Variants in ATP8B4 observed in about 807,000 individuals in gnomAD.
ATP8B4 encodes probable phospholipid-transporting ATPase IM.
A neutral mutation model predicts 145.6 loss-of-function variants in ATP8B4; 133 were observed. The ratio of observed to expected loss-of-function variants is 0.91; its 90% CI spans 0.79 to 1.05. The LOEUF is 1.05. ATP8B4 is among the 50% of genes least tolerant of loss of function. The pLI is 0.00. For missense variants in ATP8B4, 1,458 were observed against 1,425.2 expected (o/e 1.02, Z -0.37); for synonymous variants, 507 against 492.9 (o/e 1.03, Z -0.38).
At chr15:50,145,565 C>T (rs182575590) in intron 1 of ATP8B4, among the ~76,000 whole-genome samples, 57 of 152,292 alleles carry the variant, frequency 3.7e-4, no homozygotes, top group African/African-American at 1.3e-3. Context: ...GAAACTTATT[C>T]TTGGAGTGTT....
At chr15:49,870,010 C>A (rs1041577366) in intron 25 of ATP8B4, among the ~76,000 whole-genome samples, 1 of 152,150 alleles carries the variant, frequency 6.6e-6, no homozygotes, top group African/African-American at 2.4e-5. Flanking sequence ...CCAGAAGTCT[C>A]ATTTCTAGGA....
rs184557154 is a variant in ATP8B4, at chr15:50,075,839, A to T, written c.29-1654T>A. On this transcript the variant is annotated intron_variant, in intron 2 of 27. Transcript: ENST00000284509. ...TACTTTGAAAGGTGTGGGAACCTAA[A>T]TGCTTAAAAAGCTAGAAACTTATTT... 2.7e-3 allele frequency among the ~76,000 whole-genome samples: 412 copies of T among 152,280 alleles called. 4 individuals carry two copies. Among genetic ancestry groups the T allele is most frequent in the African/African-American group, 9.7e-3 (405 of 41,556 alleles).
At chr15:49,994,237 C>T (rs2047245454) in intron 9 of ATP8B4, among the ~76,000 whole-genome samples, 1 of 152,076 alleles carries the variant, frequency 6.6e-6, no homozygotes, top group South Asian at 2.1e-4. Flanking sequence ...ACCTGCCTTC[C>T]AGGAGGAGAG....
At chr15:49,942,566 T>G (rs1255083555) in intron 14 of ATP8B4, among the ~76,000 whole-genome samples, 1 of 151,772 alleles carries the variant, frequency 6.6e-6, no homozygotes, top group African/African-American at 2.4e-5. Flanking sequence ...GTCCCATATC[T>G]CCCCACATCC....
rs545947596 is a variant in ATP8B4 at position 50,143,935 on chromosome 15, G to A, written c.-42-36927C>T. On this transcript the variant is annotated intron_variant, in intron 1 of 3. Transcript: ENST00000558829. ...ACATCAACTTCACCTGTAGATAAAT[G>A]GGAGCCACACATGCTATCTCAGTGA... Among the ~76,000 whole-genome samples, 5 of 152,314 alleles carry A rather than the reference G, an allele frequency of 3.3e-5. No homozygotes were observed. The South Asian group carries it at 1.0e-3, about 32-fold the overall frequency.
chr15:49,897,613 A>G (rs1188026512), intron 22 of ATP8B4, 98 bp from the exon 23 acceptor site: 1 of 1,015,684 alleles, frequency 9.8e-7, no homozygotes, highest in Non-Finnish European at 1.4e-6. Context: ...ACTTACAGCC[A>G]TTGCAATTAT....
chr15:49,919,748 A>C (rs1431640152), intron 18 of ATP8B4, among the ~76,000 whole-genome samples: 2 of 151,914 alleles, frequency 1.3e-5, no homozygotes, highest in African/African-American at 2.4e-5. Flanking sequence ...AGCAAAGCAT[A>C]CTCTCTAGTA....
intron 14 of ATP8B4, among the ~76,000 whole-genome samples, chr15:49,952,173 G>C (rs763629779): frequency 1.3e-5 from 2 of 152,124 alleles, no homozygotes; most frequent in Non-Finnish European, 2.9e-5. Context: ...TATATGCCTT[G>C]GGGTTGATCT....
intron 6 of ATP8B4, among the ~76,000 whole-genome samples, chr15:50,037,911 G>T (rs2050957926): frequency 2.6e-5 from 4 of 152,130 alleles, no homozygotes; most frequent in African/African-American, 7.2e-5. Flanking sequence ...ACCATGTATT[G>T]CCTAAGCTAC....
At position 49,974,615 on chromosome 15, in the gene ATP8B4, T is replaced by C. The variant is rs535063628; in HGVS notation, c.1035-1825A>G. On this transcript the variant is annotated intron_variant, in intron 12 of 27. Coordinates refer to ENST00000284509, the MANE Select transcript of ATP8B4 (RefSeq NM_024837.4). Reference sequence around the variant, plus strand: ...ATCAAAAGTTTATACTTTCTGTTTTTGTAGTTTTGTTTAGATATGTCTTCT... The same window carrying C: ...ATCAAAAGTTTATACTTTCTGTTTTCGTAGTTTTGTTTAGATATGTCTTCT... 1.1e-4 allele frequency among the ~76,000 whole-genome samples: 17 copies of C among 152,282 alleles called. No individual in the cohort carries two copies. The South Asian group carries it at 2.5e-3, about 22-fold the overall frequency.
At chr15:50,045,643 ATGT>A (rs2153607081) in intron 4 of ATP8B4, among the ~76,000 whole-genome samples, 1 of 152,328 alleles carries the variant, frequency 6.6e-6, no homozygotes, top group African/African-American at 2.4e-5. Context: ...AGCAGTAAAA[ATGT>A]TGAGCTTGGT....
chr15:49,972,889 G>T, intron 12 of ATP8B4, 99 bp from the exon 13 acceptor site: 1 of 1,197,930 alleles, frequency 8.3e-7, no homozygotes, highest in African/African-American at 1.5e-5. Flanking sequence ...AGTCTCCAGG[G>T]GTTAGAGGAA....
intron 26 of ATP8B4, among the ~76,000 whole-genome samples, chr15:49,865,260 G>A (rs1230373059): frequency 6.6e-6 from 1 of 152,222 alleles, no homozygotes; most frequent in Non-Finnish European, 1.5e-5. Context: ...AGCTGAACAT[G>A]TAGAGGTTCC....
chr15:50,146,738 T>C (rs150325124), intron 1 of ATP8B4, among the ~76,000 whole-genome samples: 1 of 151,954 alleles, frequency 6.6e-6, no homozygotes, highest in African/African-American at 2.4e-5. Context: ...TAAAGCAGGG[T>C]TGTATTGGGT....
Position 49,876,355 on chromosome 15 carries a change from C to T in ATP8B4, c.2950G>A (p.Asp984Asn). The T allele has an allele frequency of 1.9e-6, 3 of 1,614,092 alleles. No homozygotes were observed. Among genetic ancestry groups the T allele is most frequent in the East Asian group, 2.2e-5 (1 of 44,840 alleles). Reference protein sequence around the residue: ...YGAFYNVAGEDGQHIADYQSF... With the variant: ...YGAFYNVAGENGQHIADYQSF... The stretch of plus-strand genomic sequence containing the variant: ...TGGTAGTCAGCAATATGTTGCCCAT[C>T]TTCTCCAGCCACGTTGTAAAAGGCC... Residue 984 changes from aspartate to asparagine, a missense_variant, in exon 25 of 28, where the codon GAT becomes AAT. Coordinates refer to ENST00000284509, the MANE Select transcript of ATP8B4 (RefSeq NM_024837.4).
At chr15:50,012,552 T>C (rs971450764) in intron 6 of ATP8B4, among the ~76,000 whole-genome samples, 10 of 152,144 alleles carry the variant, frequency 6.6e-5, no homozygotes, top group African/African-American at 1.9e-4. Flanking sequence ...AATGGACAAT[T>C]GGACACACTT....
At chr15:50,000,906 CT>C (rs961506185) in intron 8 of ATP8B4, among the ~76,000 whole-genome samples, 4 of 151,648 alleles carry the variant, frequency 2.6e-5, no homozygotes, top group Admixed American at 6.6e-5. Flanking sequence ...AGTGTATAGT[CT>C]TTTTTTTGAG....
At chr15:50,055,071 A>T (rs2052502332) in intron 3 of ATP8B4, among the ~76,000 whole-genome samples, 2 of 152,314 alleles carry the variant, frequency 1.3e-5, no homozygotes, top group African/African-American at 2.4e-5. Flanking sequence ...TTTGCTGATA[A>T]TGTAAGCTTT....
Position 49,977,119 on chromosome 15 carries a change from T to C in ATP8B4, c.1034+2498A>G, listed in dbSNP as rs1416545984. ...GTGTCCTTTGCTCACCTGGAATTGTTAACCATTCAAAGCAAATACTGAACT... is the reference window on the plus strand; with the variant it reads ...GTGTCCTTTGCTCACCTGGAATTGTCAACCATTCAAAGCAAATACTGAACT... On this transcript the variant is annotated intron_variant, in intron 12 of 27. Coordinates refer to ENST00000284509, the MANE Select transcript of ATP8B4 (RefSeq NM_024837.4). Among the ~76,000 whole-genome samples the C allele has an allele frequency of 3.3e-5, 5 of 152,174 alleles. No homozygotes were observed. The East Asian group carries it at 7.7e-4, about 23-fold the overall frequency.
Sources: allele counts gnomAD v4.1 joint callset (sites outside exome capture counted in the v4.1 genomes callset), GRCh38; gene constraint gnomAD v4.1.1; transcripts MANE v1.5; gene names NCBI Gene and HGNC (gene_info 2026-07-23, HGNC 2026-07-21).